Variants in BTBD9 observed in about 807,000 individuals in gnomAD.
BTBD9 encodes BTB/POZ domain-containing protein 9.
A neutral mutation model predicts 64.3 loss-of-function variants in BTBD9; 49 were observed. The ratio of observed to expected loss-of-function variants is 0.76; its 90% CI spans 0.61 to 0.97. The LOEUF (loss-of-function observed/expected upper bound fraction) is 0.97. Among genes scored for constraint, BTBD9 ranks in the 50% least tolerant of loss-of-function variants. The probability of loss-of-function intolerance (pLI) is 0.00; values close to 1 mark genes in which losing one functional copy is unlikely to be tolerated. For synonymous variants in BTBD9, 260 were observed against 274.7 expected, an observed-to-expected ratio of 0.95 and a Z score of 0.53; for missense variants, 598 against 762.1, an observed-to-expected ratio of 0.78 and a Z score of 2.53.
At chr6:38,622,204 C>T (rs1778007049) in intron 1 of BTBD9, among the ~76,000 whole-genome samples, 1 of 152,146 alleles carries the variant, frequency 6.6e-6, no homozygotes, top group African/African-American at 2.4e-5. Flanking sequence ...GTTGTAAGGC[C>T]CCTCTGGGGC....
intron 1 of BTBD9, among the ~76,000 whole-genome samples, chr6:38,638,916 G>C (rs942705526): frequency 6.6e-6 from 1 of 152,124 alleles, no homozygotes; most frequent in Non-Finnish European, 1.5e-5. Context: ...GACAGCACAG[G>C]GCTGAGGATG....
intron 6 of BTBD9, among the ~76,000 whole-genome samples, chr6:38,472,983 T>G (rs1262618568): frequency 1.3e-5 from 2 of 152,208 alleles, no homozygotes; most frequent in Non-Finnish European, 2.9e-5. Flanking sequence ...GTGAAGTATG[T>G]GAAAACACCA....
intron 10 of BTBD9, 149 bp from the exon 11 acceptor site, chr6:38,175,331 C>T (rs1581993318): frequency 6.9e-6 from 5 of 728,286 alleles, no homozygotes; most frequent in Non-Finnish European, 1.1e-5. Context: ...CCTGCCCCGG[C>T]GCAGACACCT....
chr6:38,458,261 A>G (rs1769911417), intron 6 of BTBD9, among the ~76,000 whole-genome samples: 2 of 152,226 alleles, frequency 1.3e-5, no homozygotes, highest in South Asian at 4.1e-4. Context: ...TACCTGCAAA[A>G]TGAGTTCTTT....
chr6:38,582,807 T>C (rs144885070), intron 4 of BTBD9, among the ~76,000 whole-genome samples: 5 of 152,280 alleles, frequency 3.3e-5, no homozygotes, highest in East Asian at 1.9e-4. Context: ...ACTGACCTCA[T>C]AGGGTTACTG....
intron 6 of BTBD9, among the ~76,000 whole-genome samples, chr6:38,434,430 C>T (rs1437307345): frequency 1.3e-5 from 2 of 151,928 alleles, no homozygotes; most frequent in African/African-American, 4.9e-5. Context: ...TTTAAATGCA[C>T]CTATAGCCTG....
chr6:38,521,862 ACC>A (rs1464104046), intron 6 of BTBD9, among the ~76,000 whole-genome samples: 4 of 152,004 alleles, frequency 2.6e-5, no homozygotes, highest in African/African-American at 9.7e-5. Context: ...TTTAGTAGAG[ACC>A]AGGTTTCACC....
At position 38,503,511 on chromosome 6, in the gene BTBD9, C is replaced by A. The variant is rs143950253; in HGVS notation, c.1154+74089G>T. Among the ~76,000 whole-genome samples the A allele has an allele frequency of 3.6e-3, 552 of 152,242 alleles. 1 individual carries two copies. The highest frequency in any genetic ancestry group is 5.2e-3 in the Non-Finnish European group (357 of 68,006). ...AAGTTACTATTTTTTTCTCTTAATG[C>A]CCCATAAATCCCAGAGCCAGGAGAT... On this transcript the variant is annotated intron_variant, in intron 6 of 10. Coordinates refer to ENST00000481247, the MANE Select transcript of BTBD9 (RefSeq NM_001099272.2).
intron 6 of BTBD9, among the ~76,000 whole-genome samples, chr6:38,374,305 A>ATATATATATATG (rs1459305916): frequency 5.7e-4 from 38 of 66,542 alleles, no homozygotes; most frequent in Non-Finnish European, 8.7e-4. Flanking sequence ...ATGTATATAT[A>ATATATATATATG]TGTATATATA....
chr6:38,271,661 GA>G (rs1765200012), intron 8 of BTBD9, among the ~76,000 whole-genome samples: 1 of 152,026 alleles, frequency 6.6e-6, no homozygotes, highest in Non-Finnish European at 1.5e-5. Context: ...TCCTTTTATG[GA>G]AAAACTTTAC....
chr6:38,202,420 C>T (rs1378063809), intron 9 of BTBD9, among the ~76,000 whole-genome samples: 1 of 151,788 alleles, frequency 6.6e-6, no homozygotes, highest in African/African-American at 2.4e-5. Context: ...AAAAAAAATC[C>T]TAAAATTCAT....
intron 6 of BTBD9, among the ~76,000 whole-genome samples, chr6:38,374,294 T>TATATAC (rs1282896109): frequency 1.2e-5 from 1 of 80,412 alleles, no homozygotes; most frequent in African/African-American, 7.7e-5. Flanking sequence ...TATATATATA[T>TATATAC]ATGTATATAT....
rs1189147451 is a variant in BTBD9, at chr6:38,599,181, A to C, written c.-27-1060T>G. ...CAATGCCTTTCTACAAAATTAACTGAAAATCAAAGGGCTAAAATATGATTA... is the reference window on the plus strand; with the variant it reads ...CAATGCCTTTCTACAAAATTAACTGCAAATCAAAGGGCTAAAATATGATTA... On this transcript the variant is annotated intron_variant, in intron 1 of 10. Coordinates refer to ENST00000481247, the MANE Select transcript of BTBD9 (RefSeq NM_001099272.2). 2.6e-5 allele frequency among the ~76,000 whole-genome samples: 4 copies of C among 152,370 alleles called. No individual in the cohort carries two copies. In the East Asian group the frequency reaches 7.7e-4, roughly 29 times the overall value.
At position 38,515,085 on chromosome 6, in the gene BTBD9, A is replaced by G. The variant is rs1029754926; in HGVS notation, c.1154+62515T>C. ...ATACATTTAGTCCAGTTGTGCCTGGAAAAAAAAAAGGTAATTTTCCAGTTT... is the reference window on the plus strand; with the variant it reads ...ATACATTTAGTCCAGTTGTGCCTGGGAAAAAAAAAGGTAATTTTCCAGTTT... On this transcript the variant is annotated intron_variant, in intron 6 of 10. Coordinates refer to ENST00000481247, the MANE Select transcript of BTBD9 (RefSeq NM_001099272.2). Among the ~76,000 whole-genome samples the G allele has an allele frequency of 2.0e-5, 3 of 149,546 alleles. No homozygotes were observed. In the East Asian group the frequency reaches 5.8e-4, roughly 29 times the overall value.
intron 10 of BTBD9, among the ~76,000 whole-genome samples, chr6:38,183,224 G>C (rs770430055): frequency 2.6e-5 from 4 of 152,126 alleles, no homozygotes. Flanking sequence ...TGATCTGCCC[G>C]CCTCGGCCTC....
chr6:38,385,658 G>A (rs745425298), intron 6 of BTBD9, among the ~76,000 whole-genome samples: 2 of 151,966 alleles, frequency 1.3e-5, no homozygotes, highest in Non-Finnish European at 2.9e-5. Flanking sequence ...TGGGGAGACA[G>A]GTTAATAGAA....
intron 6 of BTBD9, among the ~76,000 whole-genome samples, chr6:38,469,310 TTTTTTTTTTTCC>T (rs986698002): frequency 7.0e-6 from 1 of 142,042 alleles, no homozygotes; most frequent in African/African-American, 2.5e-5. Context: ...CCACTCTCTC[TTTTTTTTTTTCC>T]TTTTTTTTTT....
chr6:38,194,381 C>T (rs1223105379), intron 9 of BTBD9, among the ~76,000 whole-genome samples: 1 of 152,162 alleles, frequency 6.6e-6, no homozygotes, highest in African/African-American at 2.4e-5. Flanking sequence ...TCTCAGGCCA[C>T]GCCTCCAGAA....
chr6:38,190,114 T>C (rs548772226), intron 10 of BTBD9, among the ~76,000 whole-genome samples: 2 of 152,304 alleles, frequency 1.3e-5, no homozygotes, highest in African/African-American at 4.8e-5. Flanking sequence ...ACCTGGCTTA[T>C]TGTGCCTTTT....
Sources: allele counts gnomAD v4.1 joint callset (sites outside exome capture counted in the v4.1 genomes callset), GRCh38; gene constraint gnomAD v4.1.1; transcripts MANE v1.5; gene names NCBI Gene and HGNC (gene_info 2026-07-23, HGNC 2026-07-21).